ROBO1: variants seen among roughly 807,000 people sequenced by gnomAD.
ROBO1 encodes the protein roundabout homolog 1.
ROBO1 carries 149 observed loss-of-function variants against 195.9 expected under a neutral mutation model. That is an observed-to-expected ratio of 0.76 (90% CI 0.67 to 0.87). The LOEUF is 0.87. Among genes scored for constraint, ROBO1 ranks in the 40% least tolerant of loss-of-function variants. The pLI is 0.00. For missense variants in ROBO1, 1,933 were observed against 2,068.3 expected (o/e 0.93, Z 1.27); for synonymous variants, 816 against 733.2 (o/e 1.11, Z -1.82).
chr3:79,371,666 T>C (rs1204520472), intron 2 of ROBO1, among the ~76,000 whole-genome samples: 1 of 152,094 alleles, frequency 6.6e-6, no homozygotes, highest in Non-Finnish European at 1.5e-5. Flanking sequence ...GAAGAAAGTA[T>C]GTGAGAACAA....
At chr3:79,671,812 C>T (rs9809381) in intron 1 of ROBO1, among the ~76,000 whole-genome samples, 42,861 of 151,602 alleles carry the variant, frequency 0.28, 6,909 homozygotes, top group African/African-American at 0.45. Context: ...ATAACAGATG[C>T]CAATTAGCAT....
At chr3:79,036,777 C>T (rs2078387876) in intron 3 of ROBO1, among the ~76,000 whole-genome samples, 1 of 151,958 alleles carries the variant, frequency 6.6e-6, no homozygotes, top group Non-Finnish European at 1.5e-5. Flanking sequence ...CTGAATTATC[C>T]AGGGCAGAAT....
At chr3:78,629,046 A>G (rs4681006) in intron 25 of ROBO1, among the ~76,000 whole-genome samples, 79,093 of 151,734 alleles carry the variant, frequency 0.52, 20,865 homozygotes, top group East Asian at 0.7. Flanking sequence ...GACTAAGCAA[A>G]ACACTCGAGT....
At position 79,671,590 on chromosome 3, in the gene ROBO1, G is replaced by A. The variant is rs147867449; in HGVS notation, c.-50-81629C>T. On this transcript the variant is annotated intron_variant, in intron 1 of 30. Coordinates refer to ENST00000464233, the MANE Select transcript of ROBO1 (RefSeq NM_002941.4). ...TTAACACAAACTTATGGTTAACATT[G>A]AAACAACAAAAATACATTTAGAAAT... Among the ~76,000 whole-genome samples, 1,040 of 151,886 alleles carry A rather than the reference G, an allele frequency of 6.8e-3. 12 individuals are homozygous for A. The highest frequency in any genetic ancestry group is 0.024 in the African/African-American group (992 of 41,498).
intron 28 of ROBO1, among the ~76,000 whole-genome samples, chr3:78,611,065 T>C (rs1185975478): frequency 6.6e-6 from 1 of 152,142 alleles, no homozygotes; most frequent in East Asian, 1.9e-4. Flanking sequence ...CATGTAATCT[T>C]ATAAACACTC....
chr3:79,209,407 T>C (rs917662390), intron 2 of ROBO1, among the ~76,000 whole-genome samples: 1 of 152,226 alleles, frequency 6.6e-6, no homozygotes, highest in African/African-American at 2.4e-5. Context: ...ACATTTAGGT[T>C]GGTTCCATAT....
Position 78,641,403 on chromosome 3 carries a change from A to G in ROBO1, c.2883-1505T>C, listed in dbSNP as rs186442837. Among the ~76,000 whole-genome samples the G allele has an allele frequency of 4.6e-4, 70 of 152,318 alleles. No homozygotes were observed. The East Asian group carries it at 0.013, about 29-fold the overall frequency. ...ATATTCTTAATGAAAGGAAGAGTGGAGAAAATATCGGAAGTGTAAGCTGTT... is the reference window on the plus strand; with the variant it reads ...ATATTCTTAATGAAAGGAAGAGTGGGGAAAATATCGGAAGTGTAAGCTGTT... On this transcript the variant is annotated intron_variant, in intron 21 of 30. Transcript: ENST00000464233.
chr3:78,609,717 T>C (rs1308530924), intron 28 of ROBO1, among the ~76,000 whole-genome samples: 1 of 152,192 alleles, frequency 6.6e-6, no homozygotes, highest in Non-Finnish European at 1.5e-5. Flanking sequence ...ACTGGGCCAT[T>C]GACCATCATT....
chr3:78,830,568 C>G (rs75854705), intron 4 of ROBO1, among the ~76,000 whole-genome samples: 5,642 of 152,184 alleles, frequency 0.037, 339 homozygotes, highest in African/African-American at 0.13. Flanking sequence ...GAATGAAAAC[C>G]CAGTGAAGGG....
At chr3:79,729,334 T>C (rs1411095652) in intron 1 of ROBO1, among the ~76,000 whole-genome samples, 1 of 152,142 alleles carries the variant, frequency 6.6e-6, no homozygotes, top group Admixed American at 6.6e-5. Context: ...AAGTTAGAGG[T>C]TATGACTAAA....
chr3:79,308,511 T>A (rs1375949372), intron 2 of ROBO1, among the ~76,000 whole-genome samples: 1 of 152,154 alleles, frequency 6.6e-6, no homozygotes, highest in South Asian at 2.1e-4. Flanking sequence ...ATGATGTGCT[T>A]AGTACTATGC....
chr3:78,630,920 A>C (rs1490200826), intron 25 of ROBO1, among the ~76,000 whole-genome samples: 1 of 152,204 alleles, frequency 6.6e-6, no homozygotes, highest in Non-Finnish European at 1.5e-5. Context: ...ACATGAGCTA[A>C]TATGTATCAT....
intron 4 of ROBO1, among the ~76,000 whole-genome samples, chr3:78,878,858 C>T (rs1224899690): frequency 6.6e-6 from 1 of 152,038 alleles, no homozygotes; most frequent in Non-Finnish European, 1.5e-5. Flanking sequence ...GTAAAAAGTA[C>T]CTACTTCCCT....
intron 4 of ROBO1, among the ~76,000 whole-genome samples, chr3:78,773,932 C>T (rs891120939): frequency 5.3e-5 from 8 of 152,188 alleles, no homozygotes; most frequent in African/African-American, 1.9e-4. Flanking sequence ...GATATCTTGG[C>T]TCTGTCACTG....
At chr3:79,442,180 T>A (rs911895332) in intron 2 of ROBO1, among the ~76,000 whole-genome samples, 11 of 152,144 alleles carry the variant, frequency 7.2e-5, no homozygotes, top group African/African-American at 2.7e-4. Flanking sequence ...CAAGATGAAA[T>A]CCTTATTCAT....
chr3:79,299,092 T>A (rs1328170683), intron 2 of ROBO1, among the ~76,000 whole-genome samples: 1 of 152,174 alleles, frequency 6.6e-6, no homozygotes, highest in Non-Finnish European at 1.5e-5. Flanking sequence ...TTGAACCTTC[T>A]ATTTCTGTGC....
At chr3:79,352,535 T>A (rs966897644) in intron 2 of ROBO1, among the ~76,000 whole-genome samples, 7 of 152,184 alleles carry the variant, frequency 4.6e-5, no homozygotes, top group Non-Finnish European at 8.8e-5. Flanking sequence ...TGCATATGTA[T>A]CTAATTCTGT....
At chr3:79,040,972 C>T (rs2078477582) in intron 3 of ROBO1, among the ~76,000 whole-genome samples, 1 of 152,178 alleles carries the variant, frequency 6.6e-6, no homozygotes, top group Non-Finnish European at 1.5e-5. Flanking sequence ...CCTTTGACAT[C>T]CTCATGAGCC....
intron 2 of ROBO1, among the ~76,000 whole-genome samples, chr3:79,421,315 C>T (rs2038214324): frequency 6.6e-6 from 1 of 151,894 alleles, no homozygotes; most frequent in Admixed American, 6.6e-5. Flanking sequence ...TATAATAAAC[C>T]CCCATGACAC....
Sources: gnomAD v4.1 joint callset for allele counts (sites outside exome capture counted in the v4.1 genomes callset) on GRCh38, gnomAD v4.1.1 for gene constraint, MANE v1.5 for transcripts, NCBI Gene and HGNC (gene_info 2026-07-23, HGNC 2026-07-21) for gene names.